The following GPR107 variants were observed in gnomAD, a reference collection of about 807,000 sequenced individuals.
GPR107 encodes the protein G protein-coupled receptor 107, also known as protein GPR107.
A neutral mutation model predicts 75.5 loss-of-function variants in GPR107; 31 were observed. That is an observed-to-expected ratio of 0.41 (90% CI 0.31 to 0.55). The LOEUF (loss-of-function observed/expected upper bound fraction) is 0.55. Among genes scored for constraint, GPR107 ranks in the 20% least tolerant of loss-of-function variants. The pLI, the probability that GPR107 is intolerant of heterozygous loss-of-function variation, is 0.26. For missense variants in GPR107, 572 were observed against 665.7 expected, an observed-to-expected ratio of 0.86 and a Z score of 1.55; for synonymous variants, 267 against 251.3, an observed-to-expected ratio of 1.06 and a Z score of -0.59.
chr9:130,089,169 CAAAAA>C (rs998736204), intron 7 of GPR107, among the ~76,000 whole-genome samples: 1 of 139,120 alleles, frequency 7.2e-6, no homozygotes, highest in African/African-American at 2.6e-5. Context: ...GACTCCATCT[CAAAAA>C]AAAAAAAGTT....
In GPR107 at chr9:130,104,415, T is replaced by C; in HGVS notation, c.1132-5T>C. The C allele has an allele frequency of 1.2e-6, 2 of 1,613,810 alleles. No individual in the cohort carries two copies. Among genetic ancestry groups the C allele is most frequent in the Non-Finnish European group, 1.7e-6 (2 of 1,179,708 alleles). ...TGGGGCCTCAGCAACTTCTCATGTC[T>C]GTAGGTCCTGGCAAATGTAGCCTAC... On this transcript the variant is annotated splice_polypyrimidine_tract_variant and splice_region_variant and intron_variant, in intron 12 of 17. Coordinates refer to ENST00000347136, the MANE Select transcript of GPR107 (RefSeq NM_020960.5).
At chr9:130,134,931 CCAT>C (rs1481124371) in intron 17 of GPR107, 91 bp from the exon 18 acceptor site, 8 of 751,254 alleles carry the variant, frequency 1.1e-5, no homozygotes, top group Non-Finnish European at 1.9e-5. Flanking sequence ...AAACCAACAC[CCAT>C]CATCAGTCCT....
At chr9:130,062,630 C>T (rs952880798) in intron 1 of GPR107, among the ~76,000 whole-genome samples, 1 of 64,788 alleles carries the variant, frequency 1.5e-5, no homozygotes, top group Non-Finnish European at 3.2e-5. Context: ...GCCTTCCTGC[C>T]TTCCTGCCTG....
intron 1 of GPR107, among the ~76,000 whole-genome samples, chr9:130,060,641 C>T (rs1829907794): frequency 6.6e-6 from 1 of 151,982 alleles, no homozygotes; most frequent in African/African-American, 2.4e-5. Flanking sequence ...GTGTTAAAAA[C>T]ACAATATTTT....
At chr9:130,077,468 T>C (rs41301535) in intron 4 of GPR107, 90 bp downstream of exon 4, 53,448 of 757,756 alleles carry the variant, frequency 0.071, 2,274 homozygotes, top group Middle Eastern at 0.14. Flanking sequence ...GTGTCTGCCA[T>C]GTGCCAGAGA....
chr9:130,126,538 C>T (rs1299878772), intron 15 of GPR107, among the ~76,000 whole-genome samples: 4 of 152,078 alleles, frequency 2.6e-5, no homozygotes, highest in South Asian at 4.1e-4. Flanking sequence ...TTAGTAGAGA[C>T]GGGTTTTCTC....
In GPR107 at chr9:130,092,283, C is replaced by G. The variant is rs768195095; in HGVS notation, c.765C>G (p.Leu255=). The G allele has an allele frequency of 6.2e-7, 1 of 1,608,828 alleles. No individual in the cohort carries two copies. Among genetic ancestry groups the G allele is most frequent in the Admixed American group, 1.7e-5 (1 of 60,020 alleles). ...CAGAGAAGAATCCTGACAGCTACCT[C>G]TCAGCAGGAGAAATTCCTCTCCCCA... The part of the protein sequence containing the change: ...EITEKNPDSY[L]SAGEIPLPKL... Residue 255 remains leucine, a synonymous_variant, in exon 9 of 18, where the codon CTC becomes CTG. Coordinates refer to ENST00000347136, the MANE Select transcript of GPR107 (RefSeq NM_020960.5).
At chr9:130,122,992 C>CA (rs1239711527) in intron 14 of GPR107, among the ~76,000 whole-genome samples, 14 of 151,420 alleles carry the variant, frequency 9.2e-5, no homozygotes, top group East Asian at 1.9e-4. Flanking sequence ...AGACCTCTCT[C>CA]AAAAAAAACA....
intron 14 of GPR107, among the ~76,000 whole-genome samples, chr9:130,111,148 C>T (rs990059571): frequency 6.6e-6 from 1 of 152,102 alleles, no homozygotes; most frequent in Non-Finnish European, 1.5e-5. Context: ...TGAGCCACTG[C>T]ATCTGGCCAC....
chr9:130,135,421 T>C lies in GPR107; in HGVS notation c.*300T>C, dbSNP rs1319806857. 1 of 297,358 alleles carries C rather than the reference T, an allele frequency of 3.4e-6. No homozygotes were observed. The highest frequency in any genetic ancestry group is 6.3e-6 in the Non-Finnish European group (1 of 158,464). The allele number at this position is 297,358 out of a possible 1,614,324, so 18.4% of individuals were successfully genotyped here. The stretch of plus-strand genomic sequence containing the variant: ...TTTTAATTTAGGTTTCTTTTTTTCT[T>C]CTTCATTTCGGAGCTCTAAGGTGTA... On this transcript the variant is annotated 3_prime_UTR_variant, in exon 18 of 18. Coordinates refer to ENST00000347136, the MANE Select transcript of GPR107 (RefSeq NM_020960.5).
rs756440668 is a variant in GPR107, at chr9:130,128,779, C to T, written c.1562+18C>T. ...GAGTCCGTGTAAGAAATCTTTCTTCCCTCTTCCTTAGCCCTGACCCCTTTG... is the reference window on the plus strand; with the variant it reads ...GAGTCCGTGTAAGAAATCTTTCTTCTCTCTTCCTTAGCCCTGACCCCTTTG... On this transcript the variant is annotated intron_variant, in intron 17 of 17. Coordinates refer to ENST00000347136, the MANE Select transcript of GPR107 (RefSeq NM_020960.5). 1.9e-6 allele frequency: 3 copies of T among 1,612,242 alleles called. No individual in the cohort carries two copies. The highest frequency in any genetic ancestry group is 2.5e-6 in the Non-Finnish European group (3 of 1,178,480).
intron 3 of GPR107, among the ~76,000 whole-genome samples, chr9:130,076,969 C>T (rs962840866): frequency 6.6e-5 from 10 of 151,102 alleles, no homozygotes; most frequent in Non-Finnish European, 1.5e-4. Flanking sequence ...CTCACTGCAA[C>T]CTCCGCCTCC....
In GPR107 at chr9:130,058,138, TTTTG is replaced by T. The variant is rs1454133812; in HGVS notation, c.141+4069_141+4072del. On this transcript the variant is annotated intron_variant, in intron 1 of 17. Coordinates refer to ENST00000347136, the MANE Select transcript of GPR107 (RefSeq NM_020960.5). ...GCCACCGCTCCTGGCTATTTATTAT[TTTTG>T]TTTATTTTTTTAAAGACCTGTCAGC... Among the ~76,000 whole-genome samples, 24 of 151,880 alleles carry T rather than the reference TTTTG, an allele frequency of 1.6e-4. 1 individual carries two copies. The highest frequency in any genetic ancestry group is 5.9e-5 in the Non-Finnish European group (4 of 67,920).
chr9:130,072,193 TTTC>T (rs1830225532), intron 1 of GPR107, among the ~76,000 whole-genome samples: 1 of 151,738 alleles, frequency 6.6e-6, no homozygotes, highest in Non-Finnish European at 1.5e-5. Flanking sequence ...TCTTGAACTC[TTTC>T]TATTTATTTA....
intron 5 of GPR107, among the ~76,000 whole-genome samples, chr9:130,081,416 G>C (rs966816184): frequency 2.0e-5 from 3 of 151,560 alleles, no homozygotes; most frequent in African/African-American, 7.3e-5. Flanking sequence ...GCTCACGCCT[G>C]TAATCCCAGC....
At chr9:130,085,501 G>T (rs2132579893) in intron 6 of GPR107, among the ~76,000 whole-genome samples, 1 of 152,150 alleles carries the variant, frequency 6.6e-6, no homozygotes, top group South Asian at 2.1e-4. Flanking sequence ...TGATAACTTT[G>T]ACTTATCAAT....
chr9:130,099,272 A>C (rs1830954162), intron 9 of GPR107, among the ~76,000 whole-genome samples, 185 bp from the exon 10 acceptor site: 1 of 151,560 alleles, frequency 6.6e-6, no homozygotes, highest in Non-Finnish European at 1.5e-5. Flanking sequence ...CCGTGATGAC[A>C]CCACTGTCCT....
Position 130,133,780 on chromosome 9 carries a change from C to A in GPR107, c.1563-1245C>A, listed in dbSNP as rs115686900. Among the ~76,000 whole-genome samples the A allele has an allele frequency of 8.2e-3, 1,255 of 152,260 alleles. 17 individuals carry two copies. The highest frequency in any genetic ancestry group is 0.029 in the African/African-American group (1,188 of 41,536). On this transcript the variant is annotated intron_variant, in intron 17 of 17. Coordinates refer to ENST00000347136, the MANE Select transcript of GPR107 (RefSeq NM_020960.5). Reference sequence around the variant, plus strand: ...CCAACTTTGCCATAAGTACAAATAACCTGTGAGTCTAAAGGACTCGTTTGA... The same window carrying A: ...CCAACTTTGCCATAAGTACAAATAAACTGTGAGTCTAAAGGACTCGTTTGA...
intron 1 of GPR107, among the ~76,000 whole-genome samples, chr9:130,073,645 GGAA>G (rs1216793868): frequency 3.3e-5 from 5 of 152,212 alleles, no homozygotes; most frequent in African/African-American, 1.2e-4. Context: ...CCCAAAAAAG[GGAA>G]GAAGGAGCTG....
Sources: gnomAD v4.1 joint callset for allele counts (sites outside exome capture counted in the v4.1 genomes callset) on GRCh38, gnomAD v4.1.1 for gene constraint, MANE v1.5 for transcripts, NCBI Gene and HGNC (gene_info 2026-07-23, HGNC 2026-07-21) for gene names.